Variants in MAP3K5 observed in about 807,000 individuals in gnomAD.
MAP3K5 encodes the protein ASK-1.
A neutral mutation model predicts 158.7 loss-of-function variants in MAP3K5; 56 were observed. That is an observed-to-expected ratio of 0.35 (90% CI 0.28 to 0.44). The LOEUF (loss-of-function observed/expected upper bound fraction) is 0.44, where lower values mean the gene tolerates loss of function less well. Ranked by LOEUF, MAP3K5 falls within the 20% of genes least tolerant of loss-of-function variation. MAP3K5 has a pLI of 1.00. For synonymous variants in MAP3K5, 579 were observed against 601.7 expected, an observed-to-expected ratio of 0.96 and a Z score of 0.55; for missense variants, 1,294 against 1,674.8, an observed-to-expected ratio of 0.77 and a Z score of 3.97.
intron 17 of MAP3K5, among the ~76,000 whole-genome samples, chr6:136,612,572 A>C (rs1776390856): frequency 6.6e-6 from 1 of 152,220 alleles, no homozygotes; most frequent in South Asian, 2.1e-4. Context: ...CAGACTTTGT[A>C]AAAAATGTAT....
At chr6:136,714,556 T>A (rs1359720967) in intron 2 of MAP3K5, among the ~76,000 whole-genome samples, 1 of 152,166 alleles carries the variant, frequency 6.6e-6, no homozygotes. Context: ...TAAGATTGAA[T>A]AATATTCCAT....
intron 8 of MAP3K5, among the ~76,000 whole-genome samples, chr6:136,665,766 G>T (rs1222429732): frequency 1.3e-5 from 2 of 152,186 alleles, no homozygotes; most frequent in African/African-American, 4.8e-5. Flanking sequence ...TTCCATAGGT[G>T]ACAAAGGAGT....
At chr6:136,568,886 G>T (rs1443240770) in intron 25 of MAP3K5, among the ~76,000 whole-genome samples, 3 of 148,816 alleles carry the variant, frequency 2.0e-5, no homozygotes, top group Non-Finnish European at 4.5e-5. Flanking sequence ...AAAAAACTTG[G>T]ATGATATTGT....
chr6:136,763,951 C>T (rs1783859642), intron 1 of MAP3K5, among the ~76,000 whole-genome samples: 1 of 152,186 alleles, frequency 6.6e-6, no homozygotes, highest in African/African-American at 2.4e-5. Context: ...TACCCACCAA[C>T]AAGGAAGCTC....
At chr6:136,569,184 G>A (rs1019740516) in intron 25 of MAP3K5, among the ~76,000 whole-genome samples, 1 of 152,112 alleles carries the variant, frequency 6.6e-6, no homozygotes. Context: ...GGCCATAAAG[G>A]AAGTCAAAGT....
intron 15 of MAP3K5, among the ~76,000 whole-genome samples, chr6:136,619,230 C>A (rs1254555214): frequency 6.6e-6 from 1 of 152,028 alleles, no homozygotes; most frequent in African/African-American, 2.4e-5. Context: ...ATGAGGCAAT[C>A]CTGCCAAGGT....
intron 1 of MAP3K5, among the ~76,000 whole-genome samples, chr6:136,790,353 A>AT (rs1785023473): frequency 4.6e-5 from 7 of 152,198 alleles, no homozygotes; most frequent in Admixed American, 4.6e-4. Context: ...TTTTCCTCTC[A>AT]TATCTTTTAG....
At position 136,613,183 on chromosome 6, in the gene MAP3K5, T is replaced by C. The variant is rs9389412; in HGVS notation, c.2352A>G (p.Thr784=). 10,965 of 1,613,578 alleles carry C rather than the reference T, an allele frequency of 6.8e-3. 202 individuals are homozygous for C. In the East Asian group the frequency reaches 0.08, roughly 12 times the overall value. ...ATTTTAATCCTTCCAGTATTTGCTT[T>C]GTATAAAAGCCAATTGTTTGCTCAT... ...KDNEQTIGFY[T]KQILEGLKYL... The change falls in exon 17 of 30, where the codon ACA becomes ACG. Residue 784 remains threonine, a synonymous_variant. Coordinates refer to ENST00000359015, the MANE Select transcript of MAP3K5 (RefSeq NM_005923.4). The surrounding 1 kb of genome is among the most constrained non-coding windows in gnomAD (Gnocchi z 4.0).
rs186496929 is a variant in MAP3K5 at position 136,788,136 on chromosome 6, C to A, written c.448+3574G>T. ...TGAAAGAGACCTCAAGAAATGAAAC[C>A]ACACACCTAACACCATCTGATCTTC... On this transcript the variant is annotated intron_variant, in intron 1 of 29. Transcript: ENST00000359015. Among the ~76,000 whole-genome samples the A allele has an allele frequency of 5.6e-3, 850 of 152,218 alleles. 6 individuals carry two copies. The highest frequency in any genetic ancestry group is 0.019 in the African/African-American group (801 of 41,504).
intron 2 of MAP3K5, among the ~76,000 whole-genome samples, chr6:136,710,504 C>A (rs1781263412): frequency 6.6e-6 from 1 of 152,068 alleles, no homozygotes; most frequent in African/African-American, 2.4e-5. Context: ...AAAAAAAAAT[C>A]TAGTCCAAGG....
chr6:136,601,078 C>T (rs764068977), intron 20 of MAP3K5, 36 bp from the exon 21 acceptor site: 14 of 1,611,284 alleles, frequency 8.7e-6, no homozygotes, highest in South Asian at 5.5e-5. Flanking sequence ...TGAATAAGCA[C>T]GTGCTGGGTT....
intron 28 of MAP3K5, among the ~76,000 whole-genome samples, chr6:136,559,401 C>G (rs1229605324): frequency 7.9e-6 from 1 of 125,800 alleles, no homozygotes; most frequent in Non-Finnish European, 1.9e-5. Context: ...AGAAATGCAT[C>G]CATATTAACT....
chr6:136,564,412 G>A (rs752496520), intron 26 of MAP3K5, among the ~76,000 whole-genome samples: 68 of 152,194 alleles, frequency 4.5e-4, no homozygotes, highest in Non-Finnish European at 6.0e-4. Context: ...GCACAATGAG[G>A]TGGATGAAGC....
chr6:136,752,951 C>T (rs1022125503), intron 1 of MAP3K5, among the ~76,000 whole-genome samples: 1 of 152,182 alleles, frequency 6.6e-6, no homozygotes, highest in Non-Finnish European at 1.5e-5. Flanking sequence ...GGCTCCTTCA[C>T]ACCACTCAGG....
At chr6:136,645,142 A>G (rs929344949) in intron 11 of MAP3K5, among the ~76,000 whole-genome samples, 5 of 152,106 alleles carry the variant, frequency 3.3e-5, no homozygotes, top group Admixed American at 6.5e-5. Flanking sequence ...TACATTGCTC[A>G]GGCTGGTCTT....
intron 11 of MAP3K5, among the ~76,000 whole-genome samples, chr6:136,646,666 C>A (rs112401472): frequency 2.6e-5 from 4 of 152,190 alleles, no homozygotes; most frequent in African/African-American, 9.7e-5. Context: ...GTCCTGCTCT[C>A]GTCTCCATAA....
At chr6:136,747,140 T>G (rs2114905360) in intron 1 of MAP3K5, among the ~76,000 whole-genome samples, 1 of 152,326 alleles carries the variant, frequency 6.6e-6, no homozygotes, top group African/African-American at 2.4e-5. Context: ...AGGCTGGTTT[T>G]GAACTCCTGG....
At chr6:136,680,224 T>C (rs926294605) in intron 7 of MAP3K5, among the ~76,000 whole-genome samples, 2 of 152,174 alleles carry the variant, frequency 1.3e-5, no homozygotes, top group Non-Finnish European at 2.9e-5. Context: ...AGACTTTTAG[T>C]CATGCAAGAT....
At position 136,658,305 on chromosome 6, in the gene MAP3K5, C is replaced by CTTTTTTTTTTTTTTTTTTTTTT. The variant is rs201524930; in HGVS notation, c.1526+913_1526+914insAAAAAAAAAAAAAAAAAAAAAA. ...CTTTTTCTTTTTCTTTTCTTTCTTT[C>CTTTTTTTTTTTTTTTTTTTTTT]TTTCTTTCTTTTTTTTTTTTTTTTT... On this transcript the variant is annotated intron_variant, in intron 9 of 29. Transcript: ENST00000359015. Among the ~76,000 whole-genome samples, 10 of 112,234 alleles carry CTTTTTTTTTTTTTTTTTTTTTT rather than the reference C, an allele frequency of 8.9e-5. 1 individual carries two copies. Among genetic ancestry groups the CTTTTTTTTTTTTTTTTTTTTTT allele is most frequent in the African/African-American group, 2.1e-4 (6 of 28,762 alleles). The allele number at this position is 112,234 out of a possible 152,430, so 73.6% of individuals were successfully genotyped here.
Sources: allele counts gnomAD v4.1 joint callset (sites outside exome capture counted in the v4.1 genomes callset), GRCh38; gene constraint gnomAD v4.1.1; non-coding constraint Gnocchi (gnomAD v3.1); transcripts MANE v1.5; gene names NCBI Gene and HGNC (gene_info 2026-07-23, HGNC 2026-07-21).